LRMDA: variants seen among roughly 807,000 people sequenced by gnomAD.
LRMDA encodes leucine-rich melanocyte differentiation-associated protein.
In LRMDA, 18 loss-of-function variants were observed where a neutral mutation model predicts 29.8. The observed-to-expected ratio is 0.60, with a 90% CI of 0.42 to 0.90. LRMDA has a LOEUF of 0.90. LRMDA is among the 40% of genes least tolerant of loss of function. The pLI is 0.00. For synonymous variants in LRMDA, 125 were observed against 109.4 expected, an observed-to-expected ratio of 1.14 and a Z score of -0.89; for missense variants, 273 against 273.9, an observed-to-expected ratio of 1.00 and a Z score of 0.02.
At chr10:75,597,867 T>G (rs1840815433) in intron 2 of LRMDA, among the ~76,000 whole-genome samples, 1 of 152,194 alleles carries the variant, frequency 6.6e-6, no homozygotes, top group South Asian at 2.1e-4. Context: ...TTTATAAGGC[T>G]TGAAATTTGT....
At chr10:76,385,132 A>G (rs1345549871) in intron 6 of LRMDA, among the ~76,000 whole-genome samples, 4 of 152,126 alleles carry the variant, frequency 2.6e-5, no homozygotes, top group Admixed American at 1.3e-4. Context: ...CTGGTTTTCA[A>G]CTCTTTCCCA....
chr10:76,318,365 C>T (rs1589425367), intron 5 of LRMDA: 1 of 152,200 alleles, frequency 6.6e-6, no homozygotes, highest in African/African-American at 2.4e-5. Flanking sequence ...CAGAACTGGG[C>T]CCCCTGTAGA....
At chr10:76,263,315 CTT>C (rs778824073) in intron 5 of LRMDA, among the ~76,000 whole-genome samples, 59 of 152,038 alleles carry the variant, frequency 3.9e-4, no homozygotes, top group Non-Finnish European at 6.6e-4. Context: ...CATTCTCTCT[CTT>C]TCTTATGCTT....
chr10:76,141,716 T>C (rs1199419175), intron 5 of LRMDA, among the ~76,000 whole-genome samples: 2 of 152,124 alleles, frequency 1.3e-5, no homozygotes, highest in Admixed American at 6.5e-5. Flanking sequence ...CTCTCTGAAA[T>C]TGGACATATA....
At chr10:75,574,794 C>T (rs1315500415) in intron 2 of LRMDA, among the ~76,000 whole-genome samples, 1 of 152,176 alleles carries the variant, frequency 6.6e-6, no homozygotes, top group East Asian at 1.9e-4. Context: ...TTTAACTGTC[C>T]TGCTAGACAT....
intron 2 of LRMDA, chr10:75,783,118 T>C: frequency 9.9e-6 from 14 of 1,417,068 alleles, no homozygotes; most frequent in Non-Finnish European, 1.3e-5. Flanking sequence ...AGGGTAGGAC[T>C]TGATGAGCGA....
intron 2 of LRMDA, among the ~76,000 whole-genome samples, chr10:75,930,789 AAAG>A (rs1846193485): frequency 6.6e-6 from 1 of 152,230 alleles, no homozygotes. Flanking sequence ...GATTCTTAGA[AAAG>A]AAGTAATCTT....
intron 5 of LRMDA, among the ~76,000 whole-genome samples, chr10:76,116,613 T>C (rs1849671285): frequency 6.6e-6 from 1 of 152,188 alleles, no homozygotes; most frequent in African/African-American, 2.4e-5. Context: ...TAGAAGCACT[T>C]TGACCTCCCG....
chr10:76,238,527 A>G (rs558633552), intron 5 of LRMDA, among the ~76,000 whole-genome samples: 1 of 133,094 alleles, frequency 7.5e-6, no homozygotes, highest in East Asian at 2.2e-4. Context: ...TGTCTATTGC[A>G]TATCTGTTAT....
chr10:75,810,296 T>TCA (rs1317579707), intron 2 of LRMDA, among the ~76,000 whole-genome samples: 1 of 152,142 alleles, frequency 6.6e-6, no homozygotes, highest in Non-Finnish European at 1.5e-5. Flanking sequence ...GATTTTGCAG[T>TCA]CACACTGGCT....
At chr10:76,454,566 G>C (rs2132302613) in intron 6 of LRMDA, among the ~76,000 whole-genome samples, 1 of 152,176 alleles carries the variant, frequency 6.6e-6, no homozygotes, top group South Asian at 2.1e-4. Context: ...GTGAGAATTG[G>C]AGGTGATTTG....
chr10:76,351,048 T>C (rs1176466061), intron 6 of LRMDA, among the ~76,000 whole-genome samples: 2 of 152,048 alleles, frequency 1.3e-5, no homozygotes, highest in Non-Finnish European at 2.9e-5. Context: ...TGAAAAATGG[T>C]ACAACAAGAA....
At chr10:76,099,682 G>T (rs1435352333) in intron 5 of LRMDA, among the ~76,000 whole-genome samples, 1 of 151,802 alleles carries the variant, frequency 6.6e-6, no homozygotes, top group African/African-American at 2.4e-5. Context: ...TCATATACTT[G>T]GCAATATTCC....
chr10:75,990,275 C>A (rs1847345453), intron 2 of LRMDA, among the ~76,000 whole-genome samples: 1 of 152,138 alleles, frequency 6.6e-6, no homozygotes, highest in Non-Finnish European at 1.5e-5. Context: ...GGATGGATTT[C>A]TGCTTAGCAT....
chr10:76,410,962 A>G (rs1390670514), intron 6 of LRMDA, among the ~76,000 whole-genome samples: 2 of 152,062 alleles, frequency 1.3e-5, no homozygotes, highest in African/African-American at 4.8e-5. Flanking sequence ...AAAACAAAAC[A>G]CCAGAAAGAT....
intron 6 of LRMDA, among the ~76,000 whole-genome samples, chr10:76,482,385 C>A (rs1260422492): frequency 6.6e-6 from 1 of 151,962 alleles, no homozygotes; most frequent in African/African-American, 2.4e-5. Flanking sequence ...TCTTACTTAG[C>A]ATTTAATAAA....
chr10:75,447,684 C>T (rs977116247), intron 2 of LRMDA, among the ~76,000 whole-genome samples: 2 of 152,010 alleles, frequency 1.3e-5, no homozygotes, highest in Admixed American at 6.6e-5. Flanking sequence ...CAGTTGAGCC[C>T]AGGAGTTTGA....
At chr10:75,790,308 C>T (rs530576338) in intron 2 of LRMDA, among the ~76,000 whole-genome samples, 8 of 152,154 alleles carry the variant, frequency 5.3e-5, no homozygotes, top group Non-Finnish European at 1.0e-4. Context: ...GGCAGATTCA[C>T]TCCCAGTTGA....
chr10:75,618,378 CTCTCTATATATATA>C (rs1428383072), intron 2 of LRMDA, among the ~76,000 whole-genome samples: 5 of 62,626 alleles, frequency 8.0e-5, no homozygotes, highest in South Asian at 4.7e-4. Context: ...CTCTCTCTCT[CTCTCTATATATATA>C]TATATATATA....
Sources: gnomAD v4.1 joint callset for allele counts (sites outside exome capture counted in the v4.1 genomes callset) on GRCh38, gnomAD v4.1.1 for gene constraint, MANE v1.5 for transcripts, NCBI Gene and HGNC (gene_info 2026-07-23, HGNC 2026-07-21) for gene names.